NAALADL2: variants seen among roughly 807,000 people sequenced by gnomAD.
NAALADL2 encodes N-acetylated alpha-linked acidic dipeptidase like 2.
NAALADL2 carries 76 observed loss-of-function variants against 87.2 expected under a neutral mutation model. The observed-to-expected ratio is 0.87, with a 90% CI of 0.72 to 1.05. The LOEUF is 1.05. NAALADL2 is among the 50% of genes least tolerant of loss of function. The pLI is 0.00. For missense variants in NAALADL2, 1,089 were observed against 945.8 expected (o/e 1.15, Z -1.99); for synonymous variants, 354 against 331.0 (o/e 1.07, Z -0.75).
chr3:174,694,564 G>A, intron 2 of NAALADL2, among the ~76,000 whole-genome samples: 1 of 151,924 alleles, frequency 6.6e-6, no homozygotes, highest in Non-Finnish European at 1.5e-5. Context: ...AGGGGGCATT[G>A]TTATTGATAC....
chr3:175,022,146 A>G (rs1374492904), intron 1 of NAALADL2, among the ~76,000 whole-genome samples: 1 of 152,056 alleles, frequency 6.6e-6, no homozygotes. Flanking sequence ...AGCCCTCACC[A>G]GAAGCAGATA....
intron 9 of NAALADL2, among the ~76,000 whole-genome samples, chr3:175,571,543 A>G (rs749516369): frequency 4.6e-5 from 7 of 152,188 alleles, no homozygotes; most frequent in Non-Finnish European, 8.8e-5. Flanking sequence ...TCTCTCAAAT[A>G]TTAATGCTTA....
chr3:174,723,086 G>C (rs1731856649), intron 2 of NAALADL2, among the ~76,000 whole-genome samples: 1 of 151,364 alleles, frequency 6.6e-6, no homozygotes, highest in African/African-American at 2.5e-5. Flanking sequence ...ATTGTAGTCA[G>C]AGAGAGACAG....
rs1159437613 is a variant in NAALADL2 at position 175,352,510 on chromosome 3, G to T, written c.1090+28185G>T. ...TCCTTCAAGTTTCTTACCTTGTTAG[G>T]TGAGGCCTATCAAATCTTCAAATAT... On this transcript the variant is annotated intron_variant, in intron 5 of 13. Coordinates refer to ENST00000454872, the MANE Select transcript of NAALADL2 (RefSeq NM_207015.3). 3.4e-4 allele frequency among the ~76,000 whole-genome samples: 52 copies of T among 152,112 alleles called. 1 individual carries two copies. The highest frequency in any genetic ancestry group is 5.9e-5 in the Non-Finnish European group (4 of 68,034).
In NAALADL2 at chr3:175,006,079, T is replaced by A. The variant is rs534896445; in HGVS notation, c.44-90711T>A. ...TGCTTCAAGCTTGCCAGGTTCCTGA[T>A]CATTATCACCTGTTCCTTATGGTTC... is the stretch of plus-strand genomic sequence containing the variant. On this transcript the variant is annotated intron_variant, in intron 1 of 13. Coordinates refer to ENST00000454872, the MANE Select transcript of NAALADL2 (RefSeq NM_207015.3). Among the ~76,000 whole-genome samples the A allele has an allele frequency of 1.6e-4, 25 of 152,332 alleles. No individual in the cohort carries two copies. In the East Asian group the frequency reaches 4.6e-3, roughly 28 times the overall value.
intron 11 of NAALADL2, among the ~76,000 whole-genome samples, chr3:175,674,562 C>A (rs886444527): frequency 6.6e-6 from 1 of 152,044 alleles, no homozygotes; most frequent in South Asian, 2.1e-4. Flanking sequence ...CCGTGCCCGG[C>A]GACAGTTTGT....
chr3:175,471,464 G>A (rs1724862083), intron 8 of NAALADL2, among the ~76,000 whole-genome samples, 175 bp from the exon 9 acceptor site: 1 of 131,124 alleles, frequency 7.6e-6, no homozygotes, highest in African/African-American at 3.0e-5. Context: ...GACAGAGCTA[G>A]AGTCTGTCTC....
chr3:175,674,428 G>GT (rs200946814), intron 11 of NAALADL2, among the ~76,000 whole-genome samples: 2,473 of 148,872 alleles, frequency 0.017, 75 homozygotes, highest in African/African-American at 0.057. Flanking sequence ...CCTGGCTAAT[G>GT]TTTTTTTTTG....
chr3:174,741,661 G>C (rs977273079), intron 3 of NAALADL2, among the ~76,000 whole-genome samples: 1 of 151,530 alleles, frequency 6.6e-6, no homozygotes. Context: ...TTTTAAAGGG[G>C]AAAAACTCCA....
intron 2 of NAALADL2, among the ~76,000 whole-genome samples, chr3:175,152,149 T>C (rs1463529): frequency 0.3 from 45,617 of 152,076 alleles, 7,066 homozygotes; most frequent in South Asian, 0.35. Context: ...TTATCGACAG[T>C]AATACCAAAA....
chr3:174,833,407 T>G (rs1405195565), intron 3 of NAALADL2, among the ~76,000 whole-genome samples: 1 of 152,074 alleles, frequency 6.6e-6, no homozygotes, highest in Non-Finnish European at 1.5e-5. Flanking sequence ...AAAACAAATT[T>G]GTAGTTAAAA....
At chr3:175,540,539 A>AT (rs1025575558) in intron 9 of NAALADL2, among the ~76,000 whole-genome samples, 7 of 151,324 alleles carry the variant, frequency 4.6e-5, no homozygotes, top group African/African-American at 1.2e-4. Context: ...GATGTAGTTT[A>AT]TTTTTTTTTA....
chr3:175,025,902 C>G (rs920349274), intron 1 of NAALADL2, among the ~76,000 whole-genome samples: 1 of 152,108 alleles, frequency 6.6e-6, no homozygotes, highest in Non-Finnish European at 1.5e-5. Context: ...CTCCACCTCT[C>G]AGGCTCAAGT....
intron 9 of NAALADL2, among the ~76,000 whole-genome samples, chr3:175,507,623 C>T (rs1730530991): frequency 6.6e-6 from 1 of 152,070 alleles, no homozygotes; most frequent in Non-Finnish European, 1.5e-5. Context: ...GGCGTTTCAC[C>T]ATGTTGGCCA....
At chr3:175,257,571 T>A (rs1286507714) in intron 4 of NAALADL2, among the ~76,000 whole-genome samples, 1 of 152,002 alleles carries the variant, frequency 6.6e-6, no homozygotes, top group Non-Finnish European at 1.5e-5. Flanking sequence ...AATCAATGTA[T>A]TCTAAGGTTG....
chr3:175,256,477 G>T lies in NAALADL2; in HGVS notation c.886G>T (p.Val296Leu), dbSNP rs763266150. ...AAAAAGGATTAGGAAAATAAAAAAC[G>T]TAACAAATCAGATCGCACTCCTGAA... ...DLKRIRKIKN[V>L]TNQIALLKLG... Residue 296 changes from valine to leucine, a missense_variant, in exon 4 of 14, where the codon GTA (valine) becomes TTA (leucine). Coordinates refer to ENST00000454872, the MANE Select transcript of NAALADL2 (RefSeq NM_207015.3). The T allele has an allele frequency of 2.5e-6, 4 of 1,612,438 alleles. No homozygotes were observed. In the Admixed American group the frequency reaches 5.0e-5, roughly 20 times the overall value.
intron 3 of NAALADL2, among the ~76,000 whole-genome samples, chr3:174,745,132 C>G (rs1054868010): frequency 1.3e-5 from 2 of 151,654 alleles, no homozygotes; most frequent in Admixed American, 6.6e-5. Context: ...ACACAAAAAA[C>G]CCTTCAAAAA....
chr3:174,964,191 T>G (rs1014533920), intron 1 of NAALADL2, among the ~76,000 whole-genome samples: 3 of 152,120 alleles, frequency 2.0e-5, no homozygotes, highest in Non-Finnish European at 4.4e-5. Flanking sequence ...CTGGCACCAT[T>G]TAAAGCACAT....
intron 2 of NAALADL2, among the ~76,000 whole-genome samples, chr3:174,608,329 A>G (rs1719364557): frequency 6.6e-6 from 1 of 152,164 alleles, no homozygotes. Flanking sequence ...AGCAGAACTG[A>G]AGGAAATAGA....
Sources: allele counts gnomAD v4.1 joint callset (sites outside exome capture counted in the v4.1 genomes callset), GRCh38; gene constraint gnomAD v4.1.1; transcripts MANE v1.5; gene names NCBI Gene and HGNC (gene_info 2026-07-23, HGNC 2026-07-21).